The following MYO5C variants were observed in gnomAD, a reference collection of about 807,000 sequenced individuals.
MYO5C encodes unconventional myosin-Vc.
A neutral mutation model predicts 235.7 loss-of-function variants in MYO5C; 194 were observed. The observed-to-expected ratio is 0.82, with a 90% CI of 0.73 to 0.93. The LOEUF (loss-of-function observed/expected upper bound fraction) is 0.93. Among genes scored for constraint, MYO5C ranks in the 40% least tolerant of loss-of-function variants. The pLI is 0.00. For missense variants in MYO5C, 2,038 were observed against 2,127.2 expected (o/e 0.96, Z 0.82); for synonymous variants, 707 against 754.8 (o/e 0.94, Z 1.04).
chr15:52,260,834 A>C, intron 10 of MYO5C, 28 bp downstream of exon 10: 1 of 1,609,970 alleles, frequency 6.2e-7, no homozygotes, highest in Non-Finnish European at 8.5e-7. Context: ...TAAAGGAGGA[A>C]AGACAGGCTC....
At chr15:52,275,492 G>A (rs2037023742) in intron 5 of MYO5C, 70 bp downstream of exon 5, 2 of 1,581,632 alleles carry the variant, frequency 1.3e-6, no homozygotes, top group Non-Finnish European at 1.7e-6. Flanking sequence ...AATTAGCCAG[G>A]AGAGCACACA....
At chr15:52,251,060 G>C (rs1341622950) in intron 13 of MYO5C, 2 of 169,336 alleles carry the variant, frequency 1.2e-5, no homozygotes, top group African/African-American at 4.7e-5. Context: ...AAAAAATATA[G>C]CTTTCATCAT....
intron 38 of MYO5C, 139 bp from the exon 39 acceptor site, chr15:52,196,622 T>C (rs992781987): frequency 1.2e-5 from 9 of 742,010 alleles, no homozygotes; most frequent in Non-Finnish European, 2.0e-5. Context: ...AATGAGGGAG[T>C]TGGACTGATG....
chr15:52,213,125 G>T, intron 34 of MYO5C, 63 bp downstream of exon 34: 2 of 1,251,106 alleles, frequency 1.6e-6, no homozygotes, highest in Non-Finnish European at 1.2e-6. Flanking sequence ...CAGGACTTTG[G>T]CACTGACTGA....
At chr15:52,218,427 G>T in intron 32 of MYO5C, 92 bp downstream of exon 32, 1 of 1,231,418 alleles carries the variant, frequency 8.1e-7, no homozygotes, top group Non-Finnish European at 1.2e-6. Flanking sequence ...TTGGTCTATA[G>T]ATGTTAATCA....
chr15:52,201,215 A>T (rs1196163010), intron 38 of MYO5C, among the ~76,000 whole-genome samples: 1 of 152,206 alleles, frequency 6.6e-6, no homozygotes, highest in South Asian at 2.1e-4. Context: ...AAACCAAAGA[A>T]ATCCACACCC....
rs142042003 is a variant in MYO5C at position 52,230,814 on chromosome 15, C to T, written c.3027-1501G>A. Among the ~76,000 whole-genome samples, 380 of 150,774 alleles carry T rather than the reference C, an allele frequency of 2.5e-3. 3 individuals carry two copies. Among genetic ancestry groups the T allele is most frequent in the African/African-American group, 8.9e-3 (364 of 40,932 alleles). ...ATGCCTTTGAAAAAGGAAAAGGCAG[C>T]CAGAAGTCTTCCTTTTTTTTTTTTT... On this transcript the variant is annotated intron_variant, in intron 24 of 40. Coordinates refer to ENST00000261839, the MANE Select transcript of MYO5C (RefSeq NM_018728.4).
Position 52,282,875 on chromosome 15 carries a change from A to G in MYO5C, c.45T>C (p.Ile15=). ...ELYTQYNRVW[I]PDPEEVWKSA... Reference sequence around the variant, plus strand: ...ACTTCCAAACTTCTTCAGGATCGGGAATCCAGACCCTGTTGTACTGACCAA... The same window carrying G: ...ACTTCCAAACTTCTTCAGGATCGGGGATCCAGACCCTGTTGTACTGACCAA... Residue 15 remains isoleucine, a synonymous_variant, in exon 2 of 41, where the codon ATT becomes ATC. Coordinates refer to ENST00000261839, the MANE Select transcript of MYO5C (RefSeq NM_018728.4). 3.7e-6 allele frequency: 6 copies of G among 1,613,200 alleles called. No individual in the cohort carries two copies. The highest frequency in any genetic ancestry group is 5.1e-6 in the Non-Finnish European group (6 of 1,179,136).
At chr15:52,282,329 C>A (rs2037177036) in intron 2 of MYO5C, among the ~76,000 whole-genome samples, 1 of 152,206 alleles carries the variant, frequency 6.6e-6, no homozygotes, top group Non-Finnish European at 1.5e-5. Context: ...TGTTTTCTAT[C>A]TCCCTCTTCT....
At chr15:52,209,470 C>A (rs371648807) in intron 35 of MYO5C, among the ~76,000 whole-genome samples, 4 of 152,070 alleles carry the variant, frequency 2.6e-5, no homozygotes, top group Admixed American at 2.0e-4. Flanking sequence ...GGTATATGGG[C>A]ACATTGCTGT....
intron 13 of MYO5C, 98 bp from the exon 14 acceptor site, chr15:52,248,881 G>A: frequency 7.3e-6 from 6 of 819,986 alleles, no homozygotes; most frequent in Non-Finnish European, 9.8e-6. Context: ...TAATAAAAAA[G>A]GCTACAGAGG....
intron 22 of MYO5C, among the ~76,000 whole-genome samples, chr15:52,236,072 A>C (rs1048173701): frequency 6.6e-6 from 1 of 152,250 alleles, no homozygotes; most frequent in Non-Finnish European, 1.5e-5. Context: ...GAGCTTCTCA[A>C]TAGCCAGGGG....
chr15:52,241,747 T>TGA (rs113008171), intron 20 of MYO5C, among the ~76,000 whole-genome samples: 90,788 of 147,890 alleles, frequency 0.61, 30,735 homozygotes, highest in Non-Finnish European at 0.77. Context: ...TGTGTGTGTG[T>TGA]GTGTGAGAGA....
Position 52,277,712 on chromosome 15 carries a change from C to A in MYO5C, c.449+1161G>T, listed in dbSNP as rs2037082307. The A allele has an allele frequency of 2.3e-5, 9 of 395,994 alleles. 1 individual carries two copies. Among genetic ancestry groups the A allele is most frequent in the South Asian group, 1.5e-4 (8 of 52,740 alleles). 24.5% of individuals were successfully genotyped at this position (395,994 alleles called of 1,614,324 possible). On this transcript the variant is annotated intron_variant, in intron 4 of 40. Transcript: ENST00000261839. Reference sequence around the variant, plus strand: ...AAGACAGAGGTGAGAACTGGCTTGTCCCTGAGGATGACGGCCCCACCCCAG... The same window carrying A: ...AAGACAGAGGTGAGAACTGGCTTGTACCTGAGGATGACGGCCCCACCCCAG...
At chr15:52,247,622 C>T in intron 14 of MYO5C, 30 bp from the exon 15 acceptor site, 1 of 1,610,990 alleles carries the variant, frequency 6.2e-7, no homozygotes, top group Non-Finnish European at 8.5e-7. Flanking sequence ...TCTCAATGTC[C>T]AAAAGCAACT....
intron 33 of MYO5C, among the ~76,000 whole-genome samples, chr15:52,213,772 T>C (rs561575531): frequency 2.0e-5 from 3 of 152,206 alleles, no homozygotes; most frequent in Admixed American, 1.3e-4. Context: ...AGGTCAGAAG[T>C]CTGAAAGGTG....
intron 11 of MYO5C, among the ~76,000 whole-genome samples, chr15:52,255,453 G>A (rs2036560593): frequency 6.6e-6 from 1 of 152,220 alleles, no homozygotes; most frequent in Admixed American, 6.5e-5. Context: ...TAGAATGTAA[G>A]CTAAAGGGAA....
chr15:52,209,970 T>C (rs2035409708), intron 35 of MYO5C, among the ~76,000 whole-genome samples: 1 of 152,148 alleles, frequency 6.6e-6, no homozygotes, highest in South Asian at 2.1e-4. Flanking sequence ...ATTAATTAAT[T>C]TATTTATTTT....
intron 25 of MYO5C, among the ~76,000 whole-genome samples, chr15:52,227,458 A>G (rs1356808574): frequency 6.6e-6 from 1 of 151,556 alleles, no homozygotes; most frequent in Non-Finnish European, 1.5e-5. Context: ...CAGTCTCCCA[A>G]AGTGCTGGGA....
Sources: allele counts gnomAD v4.1 joint callset (sites outside exome capture counted in the v4.1 genomes callset), GRCh38; gene constraint gnomAD v4.1.1; transcripts MANE v1.5; gene names NCBI Gene and HGNC (gene_info 2026-07-23, HGNC 2026-07-21).